SHTN1: variants seen among roughly 807,000 people sequenced by gnomAD.
The protein encoded by SHTN1 is shootin 1.
SHTN1 carries 42 observed loss-of-function variants against 83.1 expected under a neutral mutation model. The ratio of observed to expected loss-of-function variants is 0.51; its 90% CI spans 0.39 to 0.65. SHTN1 has a LOEUF of 0.65. Among genes scored for constraint, SHTN1 ranks in the 30% least tolerant of loss-of-function variants. The probability of loss-of-function intolerance (pLI) is 0.00; values close to 1 mark genes in which losing one functional copy is unlikely to be tolerated. For missense variants in SHTN1, 622 were observed against 737.8 expected, an observed-to-expected ratio of 0.84 and a Z score of 1.82; for synonymous variants, 224 against 247.7, an observed-to-expected ratio of 0.90 and a Z score of 0.90.
intron 16 of SHTN1, among the ~76,000 whole-genome samples, chr10:116,891,332 T>A (rs1160467677): frequency 1.3e-5 from 2 of 152,252 alleles, no homozygotes; most frequent in Non-Finnish European, 2.9e-5. Context: ...ACAGCTGGAC[T>A]ATTTAACACA....
At chr10:117,126,013 C>T (rs1853999809) in intron 1 of SHTN1, among the ~76,000 whole-genome samples, 1 of 152,194 alleles carries the variant, frequency 6.6e-6, no homozygotes, top group Admixed American at 6.5e-5. Context: ...CCTTAGCAAG[C>T]CCCTCAGCCC....
intron 2 of SHTN1, among the ~76,000 whole-genome samples, chr10:116,970,729 A>C (rs937611394): frequency 2.0e-5 from 3 of 151,488 alleles, no homozygotes; most frequent in African/African-American, 4.8e-5. Context: ...AAAAAAAAAC[A>C]AACCATCATG....
chr10:117,070,013 GA>G (rs1423344090), intron 1 of SHTN1, among the ~76,000 whole-genome samples: 1 of 151,636 alleles, frequency 6.6e-6, no homozygotes, highest in East Asian at 1.9e-4. Flanking sequence ...TACGATGATA[GA>G]AAAAGTAGTA....
intron 16 of SHTN1, among the ~76,000 whole-genome samples, chr10:116,897,544 A>G (rs561131729): frequency 6.6e-6 from 1 of 152,346 alleles, no homozygotes; most frequent in South Asian, 2.1e-4. Context: ...GGCCCACTCA[A>G]AAACCCAGGG....
intron 1 of SHTN1, among the ~76,000 whole-genome samples, chr10:116,991,409 ATC>A (rs1851430897): frequency 6.6e-6 from 1 of 152,174 alleles, no homozygotes. Context: ...TGGCACCAGC[ATC>A]TGTTTGTGTT....
chr10:117,055,745 G>A (rs1305513075), intron 1 of SHTN1, among the ~76,000 whole-genome samples: 4 of 152,280 alleles, frequency 2.6e-5, no homozygotes, highest in African/African-American at 9.6e-5. Flanking sequence ...GTATGCATCA[G>A]TAGTCCTAGC....
At chr10:116,955,140 G>A (rs909152238) in intron 4 of SHTN1, among the ~76,000 whole-genome samples, 6 of 137,560 alleles carry the variant, frequency 4.4e-5, no homozygotes, top group Non-Finnish European at 7.8e-5. Context: ...CTTTGTTAAT[G>A]TATTTTTTAT....
At chr10:117,069,008 G>C (rs1853043275) in intron 1 of SHTN1, among the ~76,000 whole-genome samples, 1 of 152,050 alleles carries the variant, frequency 6.6e-6, no homozygotes, top group Non-Finnish European at 1.5e-5. Flanking sequence ...GGAAGAAAAA[G>C]GAAAGGGAGG....
At chr10:116,942,801 T>C (rs1733122823) in intron 8 of SHTN1, among the ~76,000 whole-genome samples, 1 of 152,206 alleles carries the variant, frequency 6.6e-6, no homozygotes, top group South Asian at 2.1e-4. Flanking sequence ...AGGGCTCACA[T>C]TTGCTTTCTT....
At chr10:116,934,950 T>C (rs1849100047) in intron 9 of SHTN1, among the ~76,000 whole-genome samples, 1 of 152,204 alleles carries the variant, frequency 6.6e-6, no homozygotes, top group East Asian at 1.9e-4. Flanking sequence ...CAGAGTTCAC[T>C]CATGATTTGG....
intron 7 of SHTN1, among the ~76,000 whole-genome samples, chr10:116,946,778 T>G (rs959297268): frequency 1.3e-5 from 2 of 151,302 alleles, no homozygotes; most frequent in Admixed American, 6.6e-5. Flanking sequence ...AAGGCAGTGG[T>G]GCAATCTTGG....
chr10:117,120,351 G>A lies in SHTN1; in HGVS notation c.-189+5956C>T, dbSNP rs550625674. On this transcript the variant is annotated intron_variant, in intron 1 of 17. Transcript: ENST00000392901. ...CAACCTCCACCTCCTGGGTTCAAGC[G>A]ATTCTCCTGCCTCAGCCTCCTGAGT... Among the ~76,000 whole-genome samples, 86 of 151,500 alleles carry A rather than the reference G, an allele frequency of 5.7e-4. 1 individual carries two copies. The South Asian group carries it at 0.017, about 30-fold the overall frequency.
intron 16 of SHTN1, 80 bp from the exon 17 acceptor site, chr10:116,886,646 A>G: frequency 6.4e-7 from 1 of 1,568,976 alleles, no homozygotes; most frequent in Non-Finnish European, 8.7e-7. Context: ...GATTCAGACT[A>G]ACATAAAACC....
chr10:116,909,873 G>GT (rs1007707594), intron 14 of SHTN1, among the ~76,000 whole-genome samples: 3 of 152,078 alleles, frequency 2.0e-5, no homozygotes, highest in African/African-American at 7.2e-5. Flanking sequence ...CGAACACAGT[G>GT]TTTTTTGGTT....
chr10:116,993,690 A>G (rs981287015), intron 1 of SHTN1, among the ~76,000 whole-genome samples: 2 of 152,202 alleles, frequency 1.3e-5, no homozygotes, highest in Non-Finnish European at 2.9e-5. Flanking sequence ...TTTTCCAAGC[A>G]TAATTATTAA....
rs761941987 is a variant in SHTN1, at chr10:116,940,450, G to A, written c.858+16C>T. ...ATGTGTGTGTGTACCTAAGATTCCA[G>A]AAGAAAATGGGTTACCTTTTGTTGA... On this transcript the variant is annotated intron_variant, in intron 9 of 16. Transcript: ENST00000355371. 6.2e-7 allele frequency: 1 copy of A among 1,612,730 alleles called. No homozygotes were observed. Among genetic ancestry groups the A allele is most frequent in the Admixed American group, 1.7e-5 (1 of 59,904 alleles).
At chr10:116,980,868 G>C (rs1189354344) in intron 1 of SHTN1, among the ~76,000 whole-genome samples, 1 of 152,186 alleles carries the variant, frequency 6.6e-6, no homozygotes, top group African/African-American at 2.4e-5. Flanking sequence ...GAATATTTAT[G>C]AGATTATATC....
intron 1 of SHTN1, among the ~76,000 whole-genome samples, chr10:116,997,908 C>T (rs936898542): frequency 2.6e-5 from 4 of 152,080 alleles, no homozygotes; most frequent in Non-Finnish European, 4.4e-5. Flanking sequence ...CTGGCTAACA[C>T]GGTGAAACAC....
At chr10:117,011,270 G>A (rs1196205578) in intron 2 of SHTN1, among the ~76,000 whole-genome samples, 1 of 152,122 alleles carries the variant, frequency 6.6e-6, no homozygotes, top group African/African-American at 2.4e-5. Context: ...GTTAATTTTT[G>A]TTAGGCCTTT....
Sources: gnomAD v4.1 joint callset for allele counts (sites outside exome capture counted in the v4.1 genomes callset) on GRCh38, gnomAD v4.1.1 for gene constraint, MANE v1.5 for transcripts, NCBI Gene and HGNC (gene_info 2026-07-23, HGNC 2026-07-21) for gene names.